CNTNAP4: variants seen among roughly 807,000 people sequenced by gnomAD.
The protein encoded by CNTNAP4 is contactin-associated protein-like 4.
CNTNAP4 carries 98 observed loss-of-function variants against 148.4 expected under a neutral mutation model. The observed-to-expected ratio is 0.66, with a 90% CI of 0.56 to 0.78. The LOEUF is 0.78. Ranked by LOEUF, CNTNAP4 falls within the 30% of genes least tolerant of loss-of-function variation. CNTNAP4 has a pLI of 0.00. For missense variants in CNTNAP4, 1,935 were observed against 1,565.6 expected (o/e 1.24, Z -3.98); for synonymous variants, 730 against 565.1 (o/e 1.29, Z -4.14).
In CNTNAP4 at chr16:76,507,633, G is replaced by C. The variant is rs191841651; in HGVS notation, c.2365+8939G>C. ...AGGTAGTTTAAGACTCACAGCTCTA[G>C]GTCAAAGGTTGGGTATGAAGTGGAC... On this transcript the variant is annotated intron_variant, in intron 15 of 23. Transcript: ENST00000611870. 8.2e-5 allele frequency among the ~76,000 whole-genome samples: 8 copies of C among 97,882 alleles called. 4 individuals carry two copies. Among genetic ancestry groups the C allele is most frequent in the Admixed American group, 2.0e-4 (2 of 10,060 alleles). 64.2% of individuals were successfully genotyped at this position (97,882 alleles called of 152,430 possible).
intron 3 of CNTNAP4, among the ~76,000 whole-genome samples, chr16:76,387,578 T>C (rs950124601): frequency 6.6e-6 from 1 of 152,172 alleles, no homozygotes; most frequent in African/African-American, 2.4e-5. Flanking sequence ...GGCTTTGTGA[T>C]AAAATATGGT....
At chr16:76,527,825 T>C (rs1442364121) in intron 17 of CNTNAP4, among the ~76,000 whole-genome samples, 1 of 152,204 alleles carries the variant, frequency 6.6e-6, no homozygotes, top group Non-Finnish European at 1.5e-5. Context: ...GTGTTTCCTG[T>C]AACATCATGT....
At chr16:76,402,785 T>G (rs2144852558) in intron 3 of CNTNAP4, among the ~76,000 whole-genome samples, 1 of 152,336 alleles carries the variant, frequency 6.6e-6, no homozygotes, top group East Asian at 1.9e-4. Flanking sequence ...GATTTCAGCC[T>G]TAATTTCATT....
intron 2 of CNTNAP4, among the ~76,000 whole-genome samples, chr16:76,345,049 C>T (rs1219920192): frequency 1.3e-5 from 2 of 152,190 alleles, no homozygotes; most frequent in African/African-American, 4.8e-5. Context: ...TACACTATGA[C>T]ATTTAGTGAC....
chr16:76,333,787 T>TG (rs1963762944), intron 2 of CNTNAP4, among the ~76,000 whole-genome samples: 1 of 147,250 alleles, frequency 6.8e-6, no homozygotes, highest in Non-Finnish European at 1.5e-5. Flanking sequence ...AGGTTTTTTT[T>TG]TTTTTTTTTT....
intron 2 of CNTNAP4, among the ~76,000 whole-genome samples, chr16:76,342,464 T>C (rs1964545364): frequency 7.6e-6 from 1 of 131,268 alleles, no homozygotes; most frequent in Non-Finnish European, 1.6e-5. Context: ...ATTGCTAATT[T>C]CTTTTTTTTT....
At chr16:76,377,575 T>C (rs1216084684) in intron 3 of CNTNAP4, among the ~76,000 whole-genome samples, 2 of 152,152 alleles carry the variant, frequency 1.3e-5, no homozygotes, top group Non-Finnish European at 2.9e-5. Context: ...GGGTGTTTTA[T>C]GGGTCAACCA....
intron 23 of CNTNAP4, among the ~76,000 whole-genome samples, chr16:76,554,651 C>G (rs948792232): frequency 2.6e-5 from 4 of 151,762 alleles, no homozygotes. Context: ...ACTTGTTCAC[C>G]TTTCTTTACA....
chr16:76,506,476 C>CTTTTTTT (rs1237064108), intron 15 of CNTNAP4, among the ~76,000 whole-genome samples: 1 of 43,128 alleles, frequency 2.3e-5, no homozygotes, highest in African/African-American at 3.7e-5. Context: ...TCTTCCGTTC[C>CTTTTTTT]TTTTTTTTTT....
intron 8 of CNTNAP4, among the ~76,000 whole-genome samples, chr16:76,458,560 T>G (rs938907201): frequency 6.6e-6 from 1 of 151,580 alleles, no homozygotes; most frequent in Admixed American, 6.6e-5. Context: ...TCATTAGGAG[T>G]GTGCAACCTA....
At chr16:76,284,116 A>G (rs1031445466) in intron 1 of CNTNAP4, among the ~76,000 whole-genome samples, 5 of 152,032 alleles carry the variant, frequency 3.3e-5, no homozygotes, top group African/African-American at 1.2e-4. Flanking sequence ...GAATTTATCT[A>G]TAATCATTGA....
intron 1 of CNTNAP4, among the ~76,000 whole-genome samples, chr16:76,299,611 G>C (rs531615962): frequency 3.3e-4 from 50 of 152,098 alleles, no homozygotes; most frequent in Non-Finnish European, 5.4e-4. Flanking sequence ...TCTAGAACTA[G>C]AAATACCATT....
chr16:76,518,757 T>C (rs1042653738), intron 15 of CNTNAP4, among the ~76,000 whole-genome samples: 17 of 152,272 alleles, frequency 1.1e-4, no homozygotes, highest in Admixed American at 1.0e-3. Context: ...TTCTTAACTG[T>C]AGTCACCCCA....
At chr16:76,390,855 T>G (rs1039794536) in intron 3 of CNTNAP4, among the ~76,000 whole-genome samples, 1 of 152,160 alleles carries the variant, frequency 6.6e-6, no homozygotes, top group African/African-American at 2.4e-5. Flanking sequence ...ATTAACTGTT[T>G]TTTTTCTTTT....
At chr16:76,470,460 G>C (rs1490003297) in intron 10 of CNTNAP4, among the ~76,000 whole-genome samples, 1 of 124,144 alleles carries the variant, frequency 8.1e-6, no homozygotes, top group Non-Finnish European at 1.6e-5. Flanking sequence ...GGCTAACATA[G>C]CAAAACCACG....
intron 4 of CNTNAP4, among the ~76,000 whole-genome samples, chr16:76,440,133 G>T (rs1003823457): frequency 1.3e-5 from 2 of 151,986 alleles, no homozygotes; most frequent in Non-Finnish European, 2.9e-5. Flanking sequence ...GAAGAGTTTG[G>T]TCTATACCCC....
chr16:76,371,972 TCTTA>T (rs1366453777), intron 3 of CNTNAP4, among the ~76,000 whole-genome samples: 1 of 152,200 alleles, frequency 6.6e-6, no homozygotes, highest in Non-Finnish European at 1.5e-5. Context: ...ATCTCTAAGT[TCTTA>T]CTTCCAATGA....
In CNTNAP4 at chr16:76,540,769, C is replaced by T. The variant is rs760383369; in HGVS notation, c.3421C>T (p.Leu1141=). Reference sequence around the variant, plus strand: ...CACAGAATTCAGTGCAGTCAAATCTCTGGTATTGGGCAGGATTTTAGGTAA... The same window carrying T: ...CACAGAATTCAGTGCAGTCAAATCTTTGGTATTGGGCAGGATTTTAGGTAA... ...SGTEFSAVKS[L]VLGRILEHSD... The change falls in exon 21 of 24, where the codon CTG becomes TTG. Residue 1141 remains leucine, a synonymous_variant. Transcript: ENST00000611870. 1.9e-6 allele frequency: 3 copies of T among 1,572,244 alleles called. No homozygotes were observed. Among genetic ancestry groups the T allele is most frequent in the South Asian group, 1.2e-5 (1 of 85,368 alleles).
intron 10 of CNTNAP4, among the ~76,000 whole-genome samples, chr16:76,475,666 C>T (rs8048511): frequency 0.08 from 12,168 of 152,078 alleles, 1,454 homozygotes; most frequent in African/African-American, 0.26. Context: ...ATATTGAATT[C>T]GTGTTATGTC....
Sources: gnomAD v4.1 joint callset for allele counts (sites outside exome capture counted in the v4.1 genomes callset) on GRCh38, gnomAD v4.1.1 for gene constraint, MANE v1.5 for transcripts, NCBI Gene and HGNC (gene_info 2026-07-23, HGNC 2026-07-21) for gene names.